TRPS1: variants seen among roughly 807,000 people sequenced by gnomAD.
The protein encoded by TRPS1 is transcriptional repressor GATA binding 1, also known as zinc finger transcription factor Trps1.
In TRPS1, 6 loss-of-function variants were observed where a neutral mutation model predicts 101.2. The ratio of observed to expected loss-of-function variants is 0.06; its 90% CI spans 0.03 to 0.12. TRPS1 has a LOEUF of 0.12. Among genes scored for constraint, TRPS1 ranks in the 10% least tolerant of loss-of-function variants. The pLI is 1.00. For synonymous variants in TRPS1, 578 were observed against 589.8 expected (o/e 0.98, Z 0.29); for missense variants, 1,363 against 1,567.0 (o/e 0.87, Z 2.20).
intron 5 of TRPS1, among the ~76,000 whole-genome samples, chr8:115,466,110 GTA>G (rs1444783311): frequency 1.3e-5 from 2 of 152,050 alleles, no homozygotes; most frequent in Non-Finnish European, 2.9e-5. Context: ...TACATTTAAT[GTA>G]TCAATTATAA....
intron 3 of TRPS1, among the ~76,000 whole-genome samples, chr8:115,605,244 T>C (rs1325738482): frequency 6.6e-6 from 1 of 152,220 alleles, no homozygotes; most frequent in Admixed American, 6.5e-5. Context: ...TGAAGGTAAG[T>C]AATAAATGCA....
rs143576279 is a variant in TRPS1, at chr8:115,562,389, C to A, written c.2700+24612G>T. On this transcript the variant is annotated intron_variant, in intron 5 of 6. Transcript: ENST00000395715. ...TAAAGAAGTTGTTTATTTAAAAAAA[C>A]CACATTTTTAAGTTTTAGTACTTAA... Among the ~76,000 whole-genome samples, 235 of 151,714 alleles carry A rather than the reference C, an allele frequency of 1.5e-3. 2 individuals are homozygous for A. The highest frequency in any genetic ancestry group is 4.9e-3 in the African/African-American group (203 of 41,418).
At chr8:115,568,054 T>C (rs940874821) in intron 5 of TRPS1, among the ~76,000 whole-genome samples, 1 of 152,090 alleles carries the variant, frequency 6.6e-6, no homozygotes, top group Non-Finnish European at 1.5e-5. Flanking sequence ...CCCAGCATCA[T>C]AATGTTATTT....
intron 4 of TRPS1, among the ~76,000 whole-genome samples, chr8:115,596,383 T>C (rs1054131253): frequency 6.6e-6 from 1 of 151,940 alleles, no homozygotes; most frequent in African/African-American, 2.4e-5. Context: ...TGAGAATTGA[T>C]GCATTTTTTA....
chr8:115,498,415 C>A (rs868230750), intron 5 of TRPS1, among the ~76,000 whole-genome samples: 692 of 39,218 alleles, frequency 0.018, 16 homozygotes, highest in Middle Eastern at 0.025. Flanking sequence ...CTCTCTCTCT[C>A]TATATATATA....
chr8:115,438,588 G>A (rs1326509090), intron 5 of TRPS1, among the ~76,000 whole-genome samples: 1 of 152,112 alleles, frequency 6.6e-6, no homozygotes, highest in Non-Finnish European at 1.5e-5. Flanking sequence ...GATACAGGGA[G>A]GGGGAAATCA....
chr8:115,524,114 AATAAG>A (rs1344736530), intron 5 of TRPS1, among the ~76,000 whole-genome samples: 3 of 152,076 alleles, frequency 2.0e-5, no homozygotes, highest in Non-Finnish European at 4.4e-5. Flanking sequence ...TTATTAAAAT[AATAAG>A]ATAAGTGGGT....
At chr8:115,630,569 G>GT (rs1470576587) in intron 1 of TRPS1, among the ~76,000 whole-genome samples, 2 of 151,878 alleles carry the variant, frequency 1.3e-5, no homozygotes, top group African/African-American at 2.4e-5. Flanking sequence ...TCAGAGGTAG[G>GT]TTTTTTTAAG....
At chr8:115,557,366 C>T (rs544522613) in intron 5 of TRPS1, among the ~76,000 whole-genome samples, 19 of 152,188 alleles carry the variant, frequency 1.2e-4, no homozygotes, top group African/African-American at 4.6e-4. Context: ...TCCTTTTCCC[C>T]CCAAAATCTA....
chr8:115,663,011 G>A lies in TRPS1; in HGVS notation c.-122+5534C>T, dbSNP rs536554722. Among the ~76,000 whole-genome samples the A allele has an allele frequency of 5.3e-5, 8 of 151,880 alleles. No homozygotes were observed. In the South Asian group the frequency reaches 1.2e-3, roughly 24 times the overall value. Reference sequence around the variant, plus strand: ...AATCTCCATTGAAACAAAAACAAATGGATTTTTTTTCCAAATAAGAAAGAA... The same window carrying A: ...AATCTCCATTGAAACAAAAACAAATAGATTTTTTTTCCAAATAAGAAAGAA... On this transcript the variant is annotated intron_variant, in intron 1 of 6. Coordinates refer to ENST00000395715, the MANE Select transcript of TRPS1 (RefSeq NM_014112.5).
intron 5 of TRPS1, among the ~76,000 whole-genome samples, chr8:115,563,443 C>T (rs1413538626): frequency 6.6e-6 from 1 of 152,074 alleles, no homozygotes; most frequent in African/African-American, 2.4e-5. Context: ...GGAAACTGAG[C>T]TCCAAACCTA....
intron 5 of TRPS1, among the ~76,000 whole-genome samples, chr8:115,423,270 C>T (rs1426269873): frequency 6.6e-6 from 1 of 152,186 alleles, no homozygotes; most frequent in Non-Finnish European, 1.5e-5. Flanking sequence ...TGTGTTGTCT[C>T]CAGGCCATTT....
chr8:115,504,932 G>T (rs1477953365), intron 5 of TRPS1, among the ~76,000 whole-genome samples: 1 of 152,114 alleles, frequency 6.6e-6, no homozygotes, highest in African/African-American at 2.4e-5. Context: ...ATGCACAGCA[G>T]CTGTGGAAAG....
In TRPS1 at chr8:115,413,809, C is replaced by A. The variant is rs969499789; in HGVS notation, c.*214G>T. The A allele has an allele frequency of 1.8e-6, 1 of 566,788 alleles. No individual in the cohort carries two copies. The highest frequency in any genetic ancestry group is 1.9e-5 in the African/African-American group (1 of 52,894). 35.1% of individuals were successfully genotyped at this position (566,788 alleles called of 1,614,324 possible). A position where few individuals can be genotyped will look rare whatever the true frequency, so the allele number is the denominator to read the frequency against. ...ACAGGTTTTAAAAAGTGATTGTTTA[C>A]CATCTTCCATTCTTTCTCATTGACC... is the stretch of plus-strand genomic sequence containing the variant. On this transcript the variant is annotated 3_prime_UTR_variant, in exon 7 of 7. Coordinates refer to ENST00000395715, the MANE Select transcript of TRPS1 (RefSeq NM_014112.5).
chr8:115,570,603 C>T (rs936872453), intron 5 of TRPS1, among the ~76,000 whole-genome samples: 5 of 151,824 alleles, frequency 3.3e-5, no homozygotes, highest in Admixed American at 6.6e-5. Context: ...TGCAGTATCT[C>T]TCATATCTTT....
At chr8:115,585,168 G>C (rs1172615319) in intron 5 of TRPS1, among the ~76,000 whole-genome samples, 1 of 152,128 alleles carries the variant, frequency 6.6e-6, no homozygotes, top group East Asian at 1.9e-4. Context: ...CTAATGTGGA[G>C]GAACTGAAAA....
Position 115,533,450 on chromosome 8 carries a change from T to A in TRPS1, c.2700+53551A>T, listed in dbSNP as rs866949512. Among the ~76,000 whole-genome samples the A allele has an allele frequency of 3.7e-4, 48 of 130,072 alleles. 2 individuals are homozygous for A. Among genetic ancestry groups the A allele is most frequent in the African/African-American group, 1.6e-3 (47 of 30,256 alleles). The allele number at this position is 130,072 out of a possible 152,430, so 85.3% of individuals were successfully genotyped here. Reference sequence around the variant, plus strand: ...ACATGTAATCTGTTTTTTTTTTTTTTTTTTTTTTTCCTGAAAAAAATCATG... The same window carrying A: ...ACATGTAATCTGTTTTTTTTTTTTTATTTTTTTTTCCTGAAAAAAATCATG... On this transcript the variant is annotated intron_variant, in intron 5 of 6. Transcript: ENST00000395715.
In TRPS1 at chr8:115,533,319, C is replaced by T. The variant is rs374390017; in HGVS notation, c.2700+53682G>A. Among the ~76,000 whole-genome samples the T allele has an allele frequency of 2.6e-5, 4 of 151,876 alleles. No homozygotes were observed. The East Asian group carries it at 5.8e-4, about 22-fold the overall frequency. On this transcript the variant is annotated intron_variant, in intron 5 of 6. Transcript: ENST00000395715. ...AGTAGGAAAACTAGTTCCAATATTT[C>T]TAATGTTGTCAATTACGGTAAATCC... is the stretch of plus-strand genomic sequence containing the variant.
chr8:115,635,758 T>C (rs1818754229), intron 1 of TRPS1, among the ~76,000 whole-genome samples: 1 of 152,076 alleles, frequency 6.6e-6, no homozygotes, highest in Admixed American at 6.6e-5. Flanking sequence ...GAAGAGAGAA[T>C]GTGGCTTCTT....
Sources: allele counts gnomAD v4.1 joint callset (sites outside exome capture counted in the v4.1 genomes callset), GRCh38; gene constraint gnomAD v4.1.1; transcripts MANE v1.5; gene names NCBI Gene and HGNC (gene_info 2026-07-23, HGNC 2026-07-21).